Variants in UPF1 observed in about 807,000 individuals in gnomAD.
UPF1 encodes the protein UPF1 RNA helicase and ATPase.
A neutral mutation model predicts 129.2 loss-of-function variants in UPF1; 9 were observed. The ratio of observed to expected loss-of-function variants is 0.07; its 90% confidence interval spans 0.04 to 0.12. The LOEUF (loss-of-function observed/expected upper bound fraction) is 0.12. UPF1 is among the 10% of genes least tolerant of loss of function. The pLI, the probability that UPF1 is intolerant of heterozygous loss-of-function variation, is 1.00. For synonymous variants in UPF1, 649 were observed against 644.9 expected (o/e 1.01, Z -0.10); for missense variants, 788 against 1,525.3 (o/e 0.52, Z 8.05).
Position 18,866,509 on chromosome 19 carries a change from C to T in UPF1, c.*4-12C>T, listed in dbSNP as rs532239915. ...GCCTCTCACCGCCTCCTGCCCTTCT[C>T]CCTCCTGACAGGTGGCGGCGGAAGA... is the stretch of plus-strand genomic sequence containing the variant. On this transcript the variant is annotated splice_polypyrimidine_tract_variant and intron_variant, in intron 23 of 23. Transcript: ENST00000262803. 484 of 255,406 alleles carry T rather than the reference C, an allele frequency of 1.9e-3. 1 individual carries two copies. Among genetic ancestry groups the T allele is most frequent in the Non-Finnish European group, 2.7e-3 (370 of 134,992 alleles). The allele number at this position is 255,406 out of a possible 1,614,324, so 15.8% of individuals were successfully genotyped here. A position where few individuals can be genotyped will look rare whatever the true frequency, so the allele number is the denominator to read the frequency against.
intron 13 of UPF1, among the ~76,000 whole-genome samples, 155 bp downstream of exon 13, chr19:18,856,455 T>C (rs1250454931): frequency 6.6e-6 from 1 of 152,166 alleles, no homozygotes; most frequent in Non-Finnish European, 1.5e-5. Context: ...GTACAGTAAA[T>C]TAGGGACATC....
chr19:18,845,280 C>T (rs1194339618), intron 1 of UPF1, among the ~76,000 whole-genome samples: 1 of 152,226 alleles, frequency 6.6e-6, no homozygotes, highest in Non-Finnish European at 1.5e-5. Context: ...GGACTGTTGG[C>T]CATGTCATTT....
Position 18,850,019 on chromosome 19 carries a change from G to A in UPF1, c.462-56G>A. ...ACTTTTAACAGGGGCCCGAAAATTG[G>A]AAGTGGTGAAAAGCCAAATTTTGGG... is the stretch of plus-strand genomic sequence containing the variant. On this transcript the variant is annotated intron_variant, in intron 3 of 23. Coordinates refer to ENST00000262803, the MANE Select transcript of UPF1 (RefSeq NM_002911.4). The surrounding 1 kb of genome is among the most constrained non-coding windows in gnomAD (Gnocchi z 7.1). The A allele has an allele frequency of 1.2e-6, 2 of 1,609,426 alleles. No individual in the cohort carries two copies. The highest frequency in any genetic ancestry group is 8.5e-7 in the Non-Finnish European group (1 of 1,177,118).
At chr19:18,860,552 C>T in intron 16 of UPF1, 114 bp downstream of exon 16, 1 of 1,043,250 alleles carries the variant, frequency 9.6e-7, no homozygotes, top group Non-Finnish European at 1.4e-6. Flanking sequence ...CCTTCATTTC[C>T]TGTTTAGCCT....
rs1273991407 is a variant in UPF1 at position 18,868,224 on chromosome 19, G to A, written c.*1707G>A. ...TCACCAAATATTAATAAACAGTTTTGACTTCACACCAAGGTTGGATAAACT... is the reference window on the plus strand; with the variant it reads ...TCACCAAATATTAATAAACAGTTTTAACTTCACACCAAGGTTGGATAAACT... On this transcript the variant is annotated 3_prime_UTR_variant, in exon 24 of 24. Transcript: ENST00000262803. 2 of 286,100 alleles carry A rather than the reference G, an allele frequency of 7.0e-6. No homozygotes were observed. Among genetic ancestry groups the A allele is most frequent in the Non-Finnish European group, 1.4e-5 (2 of 146,630 alleles). 17.7% of individuals were successfully genotyped at this position (286,100 alleles called of 1,614,324 possible).
rs1209005796 is a variant in UPF1 at position 18,851,883 on chromosome 19, G to A, written c.811-252G>A. ...AGGTTCACCCAAGTACCGGAACCCC[G>A]CTGGGGTGCGGAGCAGCAGCTGAGG... On this transcript the variant is annotated intron_variant, in intron 5 of 23. Transcript: ENST00000262803. The surrounding 1 kb of genome is among the most constrained non-coding windows in gnomAD (Gnocchi z 4.2). 6.6e-6 allele frequency among the ~76,000 whole-genome samples: 1 copy of A among 152,240 alleles called. No homozygotes were observed. The highest frequency in any genetic ancestry group is 2.4e-5 in the African/African-American group (1 of 41,456).
At chr19:18,841,544 C>T (rs375520795) in intron 1 of UPF1, among the ~76,000 whole-genome samples, 4 of 152,322 alleles carry the variant, frequency 2.6e-5, no homozygotes, top group African/African-American at 9.6e-5. Context: ...ATGGCTGTCT[C>T]TGGGCCCTGC....
At chr19:18,845,867 T>C (rs2055591056) in intron 1 of UPF1, 113 bp from the exon 2 acceptor site, 41 of 1,427,540 alleles carry the variant, frequency 2.9e-5, no homozygotes, top group Non-Finnish European at 3.8e-5. Context: ...AGGGAAACTG[T>C]CTCAAAGCAG....
Position 18,856,102 on chromosome 19 carries a change from T to G in UPF1, c.1709+13T>G. On this transcript the variant is annotated intron_variant, in intron 12 of 23. Coordinates refer to ENST00000262803, the MANE Select transcript of UPF1 (RefSeq NM_002911.4). The stretch of plus-strand genomic sequence containing the variant: ...GGAACATGGACAGGTGTGTGTCGAG[T>G]CCATCCCTCCCAGTTGGTCCCTGAG... 1 of 1,611,408 alleles carries G rather than the reference T, an allele frequency of 6.2e-7. No individual in the cohort carries two copies. The highest frequency in any genetic ancestry group is 8.5e-7 in the Non-Finnish European group (1 of 1,177,954).
rs2055859050 is a variant in UPF1, at chr19:18,867,122, TTGTC to T, written c.*609_*612del. The T allele has an allele frequency of 6.6e-6, 1 of 152,604 alleles. No individual in the cohort carries two copies. Among genetic ancestry groups the T allele is most frequent in the African/African-American group, 2.4e-5 (1 of 41,466 alleles). The allele number at this position is 152,604 out of a possible 1,614,324, so 9.5% of individuals were successfully genotyped here. A position where few individuals can be genotyped will look rare whatever the true frequency, so the allele number is the denominator to read the frequency against. ...AGTACTGAAGAATACTTTCCTAAGT[TTGTC>T]TGTAAAATCTTAGCGGTGGACCTGG... On this transcript the variant is annotated 3_prime_UTR_variant, in exon 24 of 24. Coordinates refer to ENST00000262803, the MANE Select transcript of UPF1 (RefSeq NM_002911.4).
chr19:18,855,558 G>A (rs551104209), intron 11 of UPF1: 26 of 518,816 alleles, frequency 5.0e-5, no homozygotes, highest in Non-Finnish European at 8.0e-5. Flanking sequence ...GGCATTGCTT[G>A]CGGTGGGTAG....
At chr19:18,864,733 GTTTTTTTTT>G (rs10682791) in intron 20 of UPF1, among the ~76,000 whole-genome samples, 3 of 73,568 alleles carry the variant, frequency 4.1e-5, no homozygotes, top group Non-Finnish European at 7.1e-5. Context: ...ATTTGCAGGT[GTTTTTTTTT>G]TTTTTTTTTT....
rs1380392256 is a variant in UPF1, at chr19:18,866,939, A to G, written c.*422A>G. On this transcript the variant is annotated 3_prime_UTR_variant, in exon 24 of 24. Transcript: ENST00000262803. The stretch of plus-strand genomic sequence containing the variant: ...GTGCCCGAGCAGGCTCCTTGCAAAG[A>G]CAGCAGCGTGCGGGGCAGAGCCCCG... 2 of 152,610 alleles carry G rather than the reference A, an allele frequency of 1.3e-5. No homozygotes were observed. Among genetic ancestry groups the G allele is most frequent in the African/African-American group, 4.8e-5 (2 of 41,474 alleles). The allele number at this position is 152,610 out of a possible 1,614,324, so 9.5% of individuals were successfully genotyped here. A position where few individuals can be genotyped will look rare whatever the true frequency, so the allele number is the denominator to read the frequency against.
intron 1 of UPF1, among the ~76,000 whole-genome samples, chr19:18,841,244 CT>C (rs908300286): frequency 1.3e-4 from 20 of 151,716 alleles, no homozygotes; most frequent in Non-Finnish European, 1.3e-4. Flanking sequence ...TCCCTGTTTT[CT>C]TTTTTTTTCT....
At chr19:18,838,955 T>C (rs2055511946) in intron 1 of UPF1, among the ~76,000 whole-genome samples, 1 of 152,154 alleles carries the variant, frequency 6.6e-6, no homozygotes, top group African/African-American at 2.4e-5. Flanking sequence ...TGGGGGATTA[T>C]GACTAATACT....
chr19:18,851,739 T>C lies in UPF1; in HGVS notation c.811-396T>C, dbSNP rs2055660829. 6.6e-6 allele frequency among the ~76,000 whole-genome samples: 1 copy of C among 152,154 alleles called. No homozygotes were observed. The highest frequency in any genetic ancestry group is 2.4e-5 in the African/African-American group (1 of 41,428). On this transcript the variant is annotated intron_variant, in intron 5 of 23. Coordinates refer to ENST00000262803, the MANE Select transcript of UPF1 (RefSeq NM_002911.4). The surrounding 1 kb of genome is among the most constrained non-coding windows in gnomAD (Gnocchi z 4.2). ...GAAACCGGTGGTCTTTGTGGCAGCC[T>C]GCGAGGCGGGTTAGCTGCTCTCGTT...
intron 1 of UPF1, chr19:18,833,050 G>A (rs1045375859): frequency 6.6e-6 from 1 of 152,282 alleles, no homozygotes; most frequent in African/African-American, 2.4e-5. Flanking sequence ...TCCTGTCTCT[G>A]GCCTGGTCCG....
intron 1 of UPF1, among the ~76,000 whole-genome samples, chr19:18,841,097 C>T (rs548976820): frequency 5.9e-5 from 9 of 152,362 alleles, no homozygotes; most frequent in South Asian, 4.1e-4. Context: ...TTTTTCAGTA[C>T]GGGGATCCAT....
In UPF1 at chr19:18,865,784, C is replaced by G. The variant is rs766985971; in HGVS notation, c.3237+6C>G. On this transcript the variant is annotated splice_donor_region_variant and intron_variant, in intron 22 of 23. Transcript: ENST00000262803. The surrounding 1 kb of genome is among the most constrained non-coding windows in gnomAD (Gnocchi z 6.1). ...CCCAGCCGGAGCTGTCCCAGGTGAGCCCGCCCCTGGGACGGGACTTACCTG... is the reference window on the plus strand; with the variant it reads ...CCCAGCCGGAGCTGTCCCAGGTGAGGCCGCCCCTGGGACGGGACTTACCTG... The G allele has an allele frequency of 6.2e-7, 1 of 1,612,506 alleles. No individual in the cohort carries two copies. The highest frequency in any genetic ancestry group is 8.5e-7 in the Non-Finnish European group (1 of 1,179,892).
Sources: allele counts gnomAD v4.1 joint callset (sites outside exome capture counted in the v4.1 genomes callset), GRCh38; gene constraint gnomAD v4.1.1; non-coding constraint Gnocchi (gnomAD v3.1); transcripts MANE v1.5; gene names NCBI Gene and HGNC (gene_info 2026-07-23, HGNC 2026-07-21).